Variants in RORA observed in about 807,000 individuals in gnomAD.
RORA encodes nuclear receptor ROR-alpha.
A neutral mutation model predicts 69.5 loss-of-function variants in RORA; 7 were observed. That is an observed-to-expected ratio of 0.10 (90% CI 0.06 to 0.19). The LOEUF is 0.19. Ranked by LOEUF, RORA falls within the 10% of genes least tolerant of loss-of-function variation. The pLI, the probability that RORA is intolerant of heterozygous loss-of-function variation, is 1.00. For missense variants in RORA, 457 were observed against 663.0 expected, an observed-to-expected ratio of 0.69 and a Z score of 3.41; for synonymous variants, 261 against 240.8, an observed-to-expected ratio of 1.08 and a Z score of -0.78.
At chr15:60,513,954 A>G (rs866487889) in intron 4 of RORA, among the ~76,000 whole-genome samples, 1 of 152,358 alleles carries the variant, frequency 6.6e-6, no homozygotes, top group Middle Eastern at 3.4e-3. Context: ...ACGTATAAGC[A>G]TAACTGTCTT....
intron 1 of RORA, among the ~76,000 whole-genome samples, chr15:61,115,880 A>G (rs1376132999): frequency 6.6e-6 from 1 of 152,212 alleles, no homozygotes; most frequent in Non-Finnish European, 1.5e-5. Context: ...GAGGTGAGTC[A>G]TGAGCTGTGT....
intron 1 of RORA, among the ~76,000 whole-genome samples, chr15:60,941,316 A>C (rs893556501): frequency 3.3e-5 from 5 of 152,186 alleles, no homozygotes; most frequent in Non-Finnish European, 7.3e-5. Flanking sequence ...GTTGGATGAA[A>C]TGGTTGTTAA....
chr15:60,513,502 C>T (rs2065770341), intron 4 of RORA, among the ~76,000 whole-genome samples: 1 of 152,194 alleles, frequency 6.6e-6, no homozygotes, highest in Non-Finnish European at 1.5e-5. Flanking sequence ...AAGGGACCAG[C>T]TCTTGAGAAA....
chr15:61,055,068 C>T (rs1208731565), intron 1 of RORA, among the ~76,000 whole-genome samples: 1 of 152,104 alleles, frequency 6.6e-6, no homozygotes, highest in Non-Finnish European at 1.5e-5. Flanking sequence ...AACTCCTGGG[C>T]TCAAGGGATC....
At chr15:60,750,040 T>G (rs1349519503) in intron 1 of RORA, among the ~76,000 whole-genome samples, 1 of 152,204 alleles carries the variant, frequency 6.6e-6, no homozygotes, top group Non-Finnish European at 1.5e-5. Context: ...AAAAACAATA[T>G]AGCTAATATT....
chr15:60,733,794 G>A (rs2071459740), intron 1 of RORA, among the ~76,000 whole-genome samples: 1 of 152,116 alleles, frequency 6.6e-6, no homozygotes, highest in South Asian at 2.1e-4. Flanking sequence ...GTGGGCAATG[G>A]CCTGCTAGGA....
At chr15:60,935,459 A>G (rs930955592) in intron 1 of RORA, among the ~76,000 whole-genome samples, 1 of 152,244 alleles carries the variant, frequency 6.6e-6, no homozygotes, top group African/African-American at 2.4e-5. Context: ...AGGTTTCTTA[A>G]TTTTTATTAT....
At chr15:60,721,156 G>C (rs1391313474) in intron 1 of RORA, among the ~76,000 whole-genome samples, 1 of 152,224 alleles carries the variant, frequency 6.6e-6, no homozygotes, top group Non-Finnish European at 1.5e-5. Flanking sequence ...GGGCAGAAGA[G>C]AGAAACAGAG....
intron 1 of RORA, among the ~76,000 whole-genome samples, chr15:61,221,452 G>A (rs755942877): frequency 3.9e-5 from 6 of 151,956 alleles, no homozygotes; most frequent in Non-Finnish European, 7.4e-5. Flanking sequence ...AAAGTCAGAC[G>A]ATTTTATATT....
At position 61,172,239 on chromosome 15, in the gene RORA, T is replaced by A. The variant is rs551481352; in HGVS notation, c.166+56814A>T. ...AAATACCCTTTGCAATTTTTCATGC[T>A]TCCTACAATAGCAATCCATATACGA... On this transcript the variant is annotated intron_variant, in intron 1 of 10. Transcript: ENST00000335670. Among the ~76,000 whole-genome samples, 12 of 152,340 alleles carry A rather than the reference T, an allele frequency of 7.9e-5. No homozygotes were observed. In the South Asian group the frequency reaches 2.3e-3, roughly 29 times the overall value.
At chr15:60,510,395 T>C (rs760534138) in intron 5 of RORA, 4 of 152,244 alleles carry the variant, frequency 2.6e-5, no homozygotes, top group Non-Finnish European at 4.4e-5. Context: ...GTCTGTGTTA[T>C]CAACATTTCT....
At chr15:60,523,262 G>A (rs1459544663) in intron 3 of RORA, among the ~76,000 whole-genome samples, 2 of 152,104 alleles carry the variant, frequency 1.3e-5, no homozygotes, top group African/African-American at 2.4e-5. Flanking sequence ...TCCCTTCTTA[G>A]TCATTAATGT....
At chr15:60,618,475 T>C (rs1350193628) in intron 2 of RORA, among the ~76,000 whole-genome samples, 1 of 152,230 alleles carries the variant, frequency 6.6e-6, no homozygotes, top group East Asian at 1.9e-4. Context: ...ATGTGTCAAA[T>C]GTTGGATGAC....
chr15:60,866,542 C>T (rs767379924), intron 1 of RORA, among the ~76,000 whole-genome samples: 11 of 152,164 alleles, frequency 7.2e-5, no homozygotes, highest in Admixed American at 1.3e-4. Context: ...AGCTCCTAAG[C>T]ATGGGGGGCT....
intron 1 of RORA, among the ~76,000 whole-genome samples, chr15:60,922,237 C>G (rs1278241157): frequency 6.6e-6 from 1 of 152,144 alleles, no homozygotes; most frequent in Non-Finnish European, 1.5e-5. Context: ...CTGTATAATA[C>G]TATCATGGTA....
chr15:60,967,636 C>T (rs1446065600), intron 1 of RORA, among the ~76,000 whole-genome samples: 3 of 152,190 alleles, frequency 2.0e-5, no homozygotes, highest in Non-Finnish European at 4.4e-5. Flanking sequence ...ATTTGAGCTG[C>T]TCACAGTCTG....
At chr15:61,112,689 G>T (rs1456235466) in intron 1 of RORA, among the ~76,000 whole-genome samples, 1 of 152,180 alleles carries the variant, frequency 6.6e-6, no homozygotes, top group East Asian at 1.9e-4. Flanking sequence ...AACATGGTGG[G>T]AATTATCTCA....
In RORA at chr15:61,147,765, G is replaced by A. The variant is rs1442784813; in HGVS notation, c.166+81288C>T. Among the ~76,000 whole-genome samples, 1 of 136,210 alleles carries A rather than the reference G, an allele frequency of 7.3e-6. No individual in the cohort carries two copies. The highest frequency in any genetic ancestry group is 2.2e-4 in the East Asian group (1 of 4,582). 89.4% of individuals were successfully genotyped at this position (136,210 alleles called of 152,430 possible). ...ATGGTCAGTAGGCACGTGCGCACAC[G>A]CGTGTGTGTGTGTGTGTGTGTGTGT... On this transcript the variant is annotated intron_variant, in intron 1 of 10. Coordinates refer to ENST00000335670, the MANE Select transcript of RORA (RefSeq NM_134261.3). The surrounding 1 kb of genome is among the most constrained non-coding windows in gnomAD (Gnocchi z 4.1).
At chr15:61,174,322 T>C (rs542882369) in intron 1 of RORA, among the ~76,000 whole-genome samples, 50 of 152,360 alleles carry the variant, frequency 3.3e-4, no homozygotes, top group African/African-American at 8.9e-4. Flanking sequence ...TTTCACCCAG[T>C]AAGCTCTTTA....
Sources: gnomAD v4.1 joint callset for allele counts (sites outside exome capture counted in the v4.1 genomes callset) on GRCh38, gnomAD v4.1.1 for gene constraint, Gnocchi (gnomAD v3.1) non-coding constraint, MANE v1.5 for transcripts, NCBI Gene and HGNC (gene_info 2026-07-23, HGNC 2026-07-21) for gene names.